The following NEBL variants were observed in gnomAD, a reference collection of about 807,000 sequenced individuals.
NEBL encodes nebulette.
NEBL carries 122 observed loss-of-function variants against 140.2 expected under a neutral mutation model. The observed-to-expected ratio is 0.87, with a 90% CI of 0.75 to 1.01. The LOEUF is 1.01. Among genes scored for constraint, NEBL ranks in the 50% least tolerant of loss-of-function variants. The pLI is 0.00. For missense variants in NEBL, 1,365 were observed against 1,231.3 expected (o/e 1.11, Z -1.62); for synonymous variants, 436 against 398.9 (o/e 1.09, Z -1.11).
In NEBL at chr10:21,000,059, C is replaced by T. The variant is rs199919350; in HGVS notation, c.249+20058G>A. The stretch of plus-strand genomic sequence containing the variant: ...AAAAATTAAGCTTTCACTGCTGCCA[C>T]GAACTATTGTAGTTTGGAAGGCGGC... On this transcript the variant is annotated intron_variant, in intron 3 of 6. Coordinates refer to the NEBL transcript ENST00000417816. Among the ~76,000 whole-genome samples, 68 of 151,588 alleles carry T rather than the reference C, an allele frequency of 4.5e-4. No homozygotes were observed. In the East Asian group the frequency reaches 0.013, roughly 28 times the overall value.
At chr10:21,060,596 AT>A (rs550846963) in intron 2 of NEBL, among the ~76,000 whole-genome samples, 5 of 151,324 alleles carry the variant, frequency 3.3e-5, no homozygotes, top group South Asian at 4.2e-4. Context: ...TATTTATCTC[AT>A]TTTTTTTAAA....
chr10:21,241,928 G>A (rs1420387516), intron 3 of NEBL, among the ~76,000 whole-genome samples: 1 of 142,974 alleles, frequency 7.0e-6, no homozygotes, highest in African/African-American at 2.8e-5. Flanking sequence ...TAGGCCAGGA[G>A]CAGAGGCTCA....
intron 2 of NEBL, among the ~76,000 whole-genome samples, chr10:21,050,840 T>A (rs972065380): frequency 9.9e-5 from 15 of 152,222 alleles, no homozygotes; most frequent in African/African-American, 3.6e-4. Context: ...CATTTGGCTG[T>A]AGGGGCTGTG....
At chr10:21,219,973 G>A (rs1015907831) in intron 3 of NEBL, among the ~76,000 whole-genome samples, 1 of 151,586 alleles carries the variant, frequency 6.6e-6, no homozygotes, top group Non-Finnish European at 1.5e-5. Context: ...GAGTACCATG[G>A]GACGATCTCG....
intron 3 of NEBL, among the ~76,000 whole-genome samples, chr10:21,230,166 C>T (rs536905974): frequency 6.6e-6 from 1 of 152,214 alleles, no homozygotes; most frequent in African/African-American, 2.4e-5. Context: ...GATTCTCACC[C>T]TAGTTTTCCA....
chr10:20,976,462 C>T (rs1836803103), intron 3 of NEBL, among the ~76,000 whole-genome samples: 1 of 151,974 alleles, frequency 6.6e-6, no homozygotes, highest in Non-Finnish European at 1.5e-5. Flanking sequence ...AAAAAGACAA[C>T]TGCACTTGTA....
intron 4 of NEBL, among the ~76,000 whole-genome samples, chr10:20,929,106 T>C (rs1834052222): frequency 6.6e-6 from 1 of 152,104 alleles, no homozygotes; most frequent in African/African-American, 2.4e-5. Context: ...GCAATCCCGC[T>C]ACTGGGTATC....
At chr10:21,050,396 C>A (rs1319782891) in intron 2 of NEBL, among the ~76,000 whole-genome samples, 1 of 152,082 alleles carries the variant, frequency 6.6e-6, no homozygotes, top group Non-Finnish European at 1.5e-5. Flanking sequence ...TATATTATTT[C>A]CCTCTTTTTA....
chr10:20,823,522 G>C (rs1449328348), intron 18 of NEBL, among the ~76,000 whole-genome samples: 1 of 151,894 alleles, frequency 6.6e-6, no homozygotes, highest in African/African-American at 2.4e-5. Flanking sequence ...ATCACTATAG[G>C]AGTTTTTTAA....
intron 23 of NEBL, 22 bp from the exon 24 acceptor site, chr10:20,812,962 T>G: frequency 6.2e-7 from 1 of 1,607,192 alleles, no homozygotes; most frequent in Middle Eastern, 1.7e-4. Context: ...AAAATCATCA[T>G]ACTGAATTTT....
intron 19 of NEBL, among the ~76,000 whole-genome samples, chr10:20,821,735 C>T (rs1839341438): frequency 6.6e-6 from 1 of 152,094 alleles, no homozygotes; most frequent in East Asian, 1.9e-4. Flanking sequence ...GGTATATGAA[C>T]CACACTTTAG....
chr10:21,097,638 G>C (rs905987945), intron 2 of NEBL, among the ~76,000 whole-genome samples: 1 of 152,156 alleles, frequency 6.6e-6, no homozygotes, highest in Admixed American at 6.5e-5. Flanking sequence ...TTACAAACAG[G>C]TTTCCATGGC....
chr10:21,158,801 GTTC>G, intron 2 of NEBL, among the ~76,000 whole-genome samples: 1 of 152,252 alleles, frequency 6.6e-6, no homozygotes, highest in South Asian at 2.1e-4. Context: ...TTGTAAATCT[GTTC>G]TTCTCAGTTG....
At position 21,142,779 on chromosome 10, in the gene NEBL, G is replaced by A. The variant is rs139903100; in HGVS notation, c.164+29604C>T. On this transcript the variant is annotated intron_variant, in intron 2 of 6. Coordinates refer to the NEBL transcript ENST00000417816. Reference sequence around the variant, plus strand: ...GCATGGCCCCTGCTATGAACTGCGCGTGTGAGGGATCCCAGTTGTGCTCCT... The same window carrying A: ...GCATGGCCCCTGCTATGAACTGCGCATGTGAGGGATCCCAGTTGTGCTCCT... Among the ~76,000 whole-genome samples the A allele has an allele frequency of 5.8e-3, 875 of 152,160 alleles. 12 individuals carry two copies. The highest frequency in any genetic ancestry group is 0.03 in the Admixed American group (464 of 15,274).
intron 27 of NEBL, among the ~76,000 whole-genome samples, chr10:20,786,981 T>C (rs1564323261): frequency 6.6e-6 from 1 of 152,208 alleles, no homozygotes; most frequent in Admixed American, 6.6e-5. Flanking sequence ...TTGTATGTTT[T>C]ATTGTTTTAT....
intron 3 of NEBL, among the ~76,000 whole-genome samples, chr10:20,971,849 G>C (rs1023166089): frequency 6.6e-6 from 1 of 151,932 alleles, no homozygotes; most frequent in African/African-American, 2.4e-5. Context: ...TCCTGACCTC[G>C]TGATCCGCCT....
intron 4 of NEBL, among the ~76,000 whole-genome samples, chr10:20,959,275 T>C (rs1191111678): frequency 1.3e-5 from 2 of 152,138 alleles, no homozygotes; most frequent in African/African-American, 4.8e-5. Flanking sequence ...ATACCCCTAA[T>C]AATTTTCAGG....
At chr10:21,071,889 G>A (rs907643458) in intron 2 of NEBL, among the ~76,000 whole-genome samples, 1 of 152,116 alleles carries the variant, frequency 6.6e-6, no homozygotes, top group Non-Finnish European at 1.5e-5. Context: ...TGCAATCTTG[G>A]CTCACTGCAG....
chr10:20,974,726 G>T (rs1417798348), intron 3 of NEBL, among the ~76,000 whole-genome samples: 1 of 152,102 alleles, frequency 6.6e-6, no homozygotes, highest in Non-Finnish European at 1.5e-5. Flanking sequence ...TCCATCAAAT[G>T]AGTAAATAAC....
Sources: allele counts gnomAD v4.1 joint callset (sites outside exome capture counted in the v4.1 genomes callset), GRCh38; gene constraint gnomAD v4.1.1; transcripts MANE v1.5; gene names NCBI Gene and HGNC (gene_info 2026-07-23, HGNC 2026-07-21).